The following ROBO2 variants were observed in gnomAD, a reference collection of about 807,000 sequenced individuals.
The protein encoded by ROBO2 is roundabout homolog 2.
A neutral mutation model predicts 160.8 loss-of-function variants in ROBO2; 53 were observed. That is an observed-to-expected ratio of 0.33 (90% CI 0.26 to 0.41). The LOEUF (loss-of-function observed/expected upper bound fraction) is 0.41, where lower values mean the gene tolerates loss of function less well. ROBO2 is among the 10% of genes least tolerant of loss of function. The pLI is 1.00. For synonymous variants in ROBO2, 664 were observed against 611.7 expected, an observed-to-expected ratio of 1.09 and a Z score of -1.26; for missense variants, 1,577 against 1,722.4, an observed-to-expected ratio of 0.92 and a Z score of 1.49.
At chr3:77,076,628 T>C (rs1193130357) in intron 1 of ROBO2, among the ~76,000 whole-genome samples, 1 of 152,176 alleles carries the variant, frequency 6.6e-6, no homozygotes, top group Admixed American at 6.5e-5. Context: ...AATGATTGCC[T>C]TAAAACTTGA....
chr3:77,104,171 T>A (rs2072460446), intron 2 of ROBO2, among the ~76,000 whole-genome samples: 1 of 152,160 alleles, frequency 6.6e-6, no homozygotes, highest in Non-Finnish European at 1.5e-5. Context: ...AACATTTTCC[T>A]CAATCCTAAA....
chr3:77,634,694 A>C, intron 23 of ROBO2, 176 bp from the exon 25 acceptor site: 1 of 662,236 alleles, frequency 1.5e-6, no homozygotes, highest in Non-Finnish European at 2.6e-6. Flanking sequence ...TGAACAAAAT[A>C]TGTGCAGCTG....
chr3:75,991,348 G>A (rs1046317972), intron 2 of ROBO2, among the ~76,000 whole-genome samples: 11 of 152,076 alleles, frequency 7.2e-5, no homozygotes, highest in African/African-American at 2.4e-4. Flanking sequence ...GGAATCCAGT[G>A]AGAGGTAATT....
At chr3:76,138,855 A>G (rs1036311404) in intron 2 of ROBO2, among the ~76,000 whole-genome samples, 1 of 152,090 alleles carries the variant, frequency 6.6e-6, no homozygotes, top group Non-Finnish European at 1.5e-5. Context: ...TCAATTTTTT[A>G]GAATTTTTAG....
chr3:76,032,458 A>G (rs2066956772), intron 2 of ROBO2, among the ~76,000 whole-genome samples: 2 of 152,030 alleles, frequency 1.3e-5, no homozygotes, highest in African/African-American at 2.4e-5. Flanking sequence ...TAGGGTGTCA[A>G]TTTTAGATCT....
intron 2 of ROBO2, among the ~76,000 whole-genome samples, chr3:76,363,571 G>C (rs1390553377): frequency 2.6e-5 from 4 of 151,986 alleles, no homozygotes; most frequent in African/African-American, 7.2e-5. Flanking sequence ...GACTCTGAAG[G>C]CATCTAGGTA....
exon 1 of ROBO2, chr3:77,039,995 A>G (rs1219451799): frequency 1.7e-6 from 1 of 598,574 alleles, no homozygotes. Flanking sequence ...CGCCTGGTGC[A>G]CTATCCTCAG....
chr3:76,150,651 T>G (rs189377389), intron 2 of ROBO2, among the ~76,000 whole-genome samples: 2 of 152,146 alleles, frequency 1.3e-5, no homozygotes, highest in Non-Finnish European at 1.5e-5. Context: ...TTCCTTAATA[T>G]TCACTCAAAT....
chr3:77,385,428 T>C (rs1180191904), intron 2 of ROBO2, among the ~76,000 whole-genome samples: 1 of 152,214 alleles, frequency 6.6e-6, no homozygotes, highest in African/African-American at 2.4e-5. Flanking sequence ...TCAAAATTAT[T>C]ATCATTTAAA....
Position 76,636,168 on chromosome 3 carries a change from C to G in ROBO2, c.110-461846C>G, listed in dbSNP as rs182386198. On this transcript the variant is annotated intron_variant, in intron 2 of 26. Coordinates refer to the ROBO2 transcript ENST00000487694. ...CTTATCCTCATTCTCTCCTACTAAA[C>G]GTTAGAAATATTGCATAAATTCCAA... Among the ~76,000 whole-genome samples the G allele has an allele frequency of 1.5e-3, 231 of 152,182 alleles. 2 individuals are homozygous for G. The highest frequency in any genetic ancestry group is 5.2e-3 in the African/African-American group (215 of 41,522).
At chr3:76,227,697 G>A (rs1042181136) in intron 2 of ROBO2, among the ~76,000 whole-genome samples, 1 of 152,098 alleles carries the variant, frequency 6.6e-6, no homozygotes, top group Non-Finnish European at 1.5e-5. Flanking sequence ...GGCTATCTAA[G>A]GTGTGATTTA....
chr3:76,489,794 T>G, intron 2 of ROBO2, among the ~76,000 whole-genome samples: 1 of 152,122 alleles, frequency 6.6e-6, no homozygotes, highest in Middle Eastern at 3.4e-3. Flanking sequence ...ATAAAAAAGA[T>G]ATTATAAATA....
At chr3:77,207,622 T>G (rs1392776344) in intron 2 of ROBO2, among the ~76,000 whole-genome samples, 4 of 152,346 alleles carry the variant, frequency 2.6e-5, no homozygotes, top group Non-Finnish European at 2.9e-5. Context: ...TTGTATGTTG[T>G]GGCTGTACAA....
At chr3:76,122,233 G>T (rs1479932539) in intron 2 of ROBO2, among the ~76,000 whole-genome samples, 1 of 151,850 alleles carries the variant, frequency 6.6e-6, no homozygotes, top group Non-Finnish European at 1.5e-5. Context: ...TGTTGATTCA[G>T]CTCCTTTATT....
chr3:75,944,138 C>G (rs1948177242), intron 2 of ROBO2, among the ~76,000 whole-genome samples: 1 of 152,114 alleles, frequency 6.6e-6, no homozygotes, highest in East Asian at 1.9e-4. Flanking sequence ...GAGGTTCCTT[C>G]TACAAGCAGG....
chr3:77,622,441 A>T lies in ROBO2; in HGVS notation c.3760+9A>T. ...AGACAGCTCTGTGACAGGTAACGGA[A>T]CCAATTTAATAGGAAAAACTGACCT... On this transcript the variant is annotated intron_variant, in intron 23 of 25. Transcript: ENST00000461745. 6.2e-7 allele frequency: 1 copy of T among 1,613,768 alleles called. No individual in the cohort carries two copies. The highest frequency in any genetic ancestry group is 8.5e-7 in the Non-Finnish European group (1 of 1,179,752).
At chr3:76,419,462 C>T (rs181554131) in intron 2 of ROBO2, among the ~76,000 whole-genome samples, 1 of 151,232 alleles carries the variant, frequency 6.6e-6, no homozygotes, top group East Asian at 1.9e-4. Context: ...TAAATTTAAC[C>T]TGGGCTCCAG....
At chr3:76,465,035 T>C (rs2078288915) in intron 2 of ROBO2, among the ~76,000 whole-genome samples, 1 of 152,124 alleles carries the variant, frequency 6.6e-6, no homozygotes, top group African/African-American at 2.4e-5. Context: ...TTCTATTGGT[T>C]TGGTAAACAA....
chr3:77,545,297 G>T (rs553658725), intron 6 of ROBO2, among the ~76,000 whole-genome samples: 3 of 152,040 alleles, frequency 2.0e-5, no homozygotes, highest in Admixed American at 2.0e-4. Context: ...ATTACACACT[G>T]TATCCTAAGC....
Sources: allele counts gnomAD v4.1 joint callset (sites outside exome capture counted in the v4.1 genomes callset), GRCh38; gene constraint gnomAD v4.1.1; transcripts MANE v1.5; gene names NCBI Gene and HGNC (gene_info 2026-07-23, HGNC 2026-07-21).